SYT14: variants seen among roughly 807,000 people sequenced by gnomAD.
The protein encoded by SYT14 is synaptotagmin-14.
Under a neutral mutation model 74.2 loss-of-function variants are expected in SYT14, and 32 were observed. That is an observed-to-expected ratio of 0.43 (90% confidence interval 0.33 to 0.58). The LOEUF (loss-of-function observed/expected upper bound fraction) is 0.58. Ranked by LOEUF, SYT14 falls within the 20% of genes least tolerant of loss-of-function variation. The probability of loss-of-function intolerance (pLI) is 0.05; values close to 1 mark genes in which losing one functional copy is unlikely to be tolerated. For synonymous variants in SYT14, 298 were observed against 337.7 expected, an observed-to-expected ratio of 0.88 and a Z score of 1.29; for missense variants, 791 against 981.8, an observed-to-expected ratio of 0.81 and a Z score of 2.60.
chr1:210,064,088 A>G (rs1195645907), intron 5 of SYT14, among the ~76,000 whole-genome samples: 1 of 152,022 alleles, frequency 6.6e-6, no homozygotes, highest in Non-Finnish European at 1.5e-5. Flanking sequence ...TCACTGTGGT[A>G]AAATATATAC....
At chr1:210,015,089 A>C (rs550278456) in intron 3 of SYT14, among the ~76,000 whole-genome samples, 5 of 152,206 alleles carry the variant, frequency 3.3e-5, no homozygotes, top group African/African-American at 9.6e-5. Context: ...AAATTTTACA[A>C]AACTATTTTC....
At chr1:210,128,388 AAAGTAG>A (rs1040475915) in intron 7 of SYT14, among the ~76,000 whole-genome samples, 2 of 152,134 alleles carry the variant, frequency 1.3e-5, no homozygotes, top group African/African-American at 4.8e-5. Context: ...AAAAAAAAAA[AAAGTAG>A]ATGTATATAT....
At chr1:210,110,004 A>G (rs965098582) in intron 7 of SYT14, among the ~76,000 whole-genome samples, 1 of 152,170 alleles carries the variant, frequency 6.6e-6, no homozygotes, top group Non-Finnish European at 1.5e-5. Context: ...ATTCTCAGCA[A>G]ACTAACACAG....
intron 4 of SYT14, among the ~76,000 whole-genome samples, chr1:210,018,949 A>C (rs771571596): frequency 6.6e-6 from 1 of 152,020 alleles, no homozygotes; most frequent in Non-Finnish European, 1.5e-5. Context: ...CATCCTGGCC[A>C]ACATGGTGAA....
chr1:209,985,827 G>A (rs563507942), intron 2 of SYT14, among the ~76,000 whole-genome samples: 103 of 152,314 alleles, frequency 6.8e-4, no homozygotes, highest in Non-Finnish European at 6.3e-4. Flanking sequence ...AAGCCTCCAA[G>A]GCTTACAGCT....
At chr1:210,099,037 A>T (rs1325253513) in intron 6 of SYT14, among the ~76,000 whole-genome samples, 1 of 152,186 alleles carries the variant, frequency 6.6e-6, no homozygotes, top group Non-Finnish European at 1.5e-5. Flanking sequence ...AAAAGAGAAG[A>T]CTGAGATTCA....
chr1:210,095,738 T>A (rs2081957055), intron 6 of SYT14, among the ~76,000 whole-genome samples: 1 of 152,222 alleles, frequency 6.6e-6, no homozygotes, highest in African/African-American at 2.4e-5. Context: ...AATTTTAGGT[T>A]TTTCTTCTAT....
intron 1 of SYT14, among the ~76,000 whole-genome samples, chr1:209,944,637 A>G (rs752605191): frequency 8.5e-5 from 13 of 152,302 alleles, no homozygotes; most frequent in Non-Finnish European, 1.5e-4. Context: ...AAAGGACTTG[A>G]CTTTTTCAGA....
At chr1:210,167,573 C>G (rs1490638802) in exon 10 of SYT14, 1 of 152,024 alleles carries the variant, frequency 6.6e-6, no homozygotes, top group Non-Finnish European at 1.5e-5. Context: ...TTCTTTTCCC[C>G]CACAAAGATA....
intron 7 of SYT14, among the ~76,000 whole-genome samples, chr1:210,121,660 G>A (rs553178714): frequency 7.4e-4 from 112 of 152,088 alleles, no homozygotes; most frequent in African/African-American, 2.6e-3. Flanking sequence ...CAGGCGTGGT[G>A]GCGGGCGCCT....
intron 7 of SYT14, among the ~76,000 whole-genome samples, chr1:210,133,319 A>G (rs2082715197): frequency 6.6e-6 from 1 of 152,230 alleles, no homozygotes; most frequent in Non-Finnish European, 1.5e-5. Flanking sequence ...TTATTCCTAT[A>G]ATATAATGGA....
Position 210,021,211 on chromosome 1 carries a change from G to A in SYT14, c.1269G>A (p.Ser423=), listed in dbSNP as rs116593136. Reference sequence around the variant, plus strand: ...CAAGGCAGAAATACAGTCCTCTATCGGCAGAGTATGATGGATACAGTAGTG... The same window carrying A: ...CAAGGCAGAAATACAGTCCTCTATCAGCAGAGTATGATGGATACAGTAGTG... Residue 423 remains serine (S), a synonymous_variant, in exon 5 of 10, where the codon TCG becomes TCA. Transcript: ENST00000637265. The A allele has an allele frequency of 2.2e-4, 361 of 1,613,950 alleles. 1 individual carries two copies. The African/African-American group carries it at 4.2e-3, about 19-fold the overall frequency.
intron 2 of SYT14, among the ~76,000 whole-genome samples, chr1:209,984,300 T>G (rs2079536970): frequency 6.6e-6 from 1 of 152,212 alleles, no homozygotes; most frequent in South Asian, 2.1e-4. Flanking sequence ...TTGTGCATAC[T>G]GTTCTCTTAC....
intron 5 of SYT14, among the ~76,000 whole-genome samples, chr1:210,023,173 C>T (rs371101812): frequency 1.9e-4 from 29 of 152,126 alleles, no homozygotes; most frequent in East Asian, 5.8e-4. Flanking sequence ...CTTTCGTGAA[C>T]GCTTTTTAGC....
intron 7 of SYT14, among the ~76,000 whole-genome samples, chr1:210,135,599 TC>T (rs1180233937): frequency 6.6e-6 from 1 of 152,216 alleles, no homozygotes; most frequent in Non-Finnish European, 1.5e-5. Context: ...TGACTTTTTT[TC>T]CTTAATATGG....
intron 7 of SYT14, among the ~76,000 whole-genome samples, chr1:210,102,393 T>A (rs1015137206): frequency 3.3e-4 from 51 of 152,284 alleles, no homozygotes; most frequent in African/African-American, 1.2e-3. Flanking sequence ...ATTTAATTGT[T>A]CTTTTTTGTC....
chr1:210,098,282 C>T (rs545838797), intron 6 of SYT14, among the ~76,000 whole-genome samples: 9 of 152,182 alleles, frequency 5.9e-5, no homozygotes, highest in African/African-American at 1.4e-4. Flanking sequence ...ACAGTAGTTA[C>T]GGTACATGTT....
chr1:209,940,978 A>G (rs1382804407), intron 1 of SYT14, among the ~76,000 whole-genome samples: 3 of 152,210 alleles, frequency 2.0e-5, no homozygotes, highest in Non-Finnish European at 4.4e-5. Flanking sequence ...GCGAGGCTGT[A>G]ATCAACTAAA....
chr1:210,063,125 G>A (rs6540578), intron 5 of SYT14, among the ~76,000 whole-genome samples: 28,824 of 149,668 alleles, frequency 0.19, 3,560 homozygotes, highest in Middle Eastern at 0.28. Flanking sequence ...TATATGTCAC[G>A]TTCAGAAAGA....
Sources: allele counts gnomAD v4.1 joint callset (sites outside exome capture counted in the v4.1 genomes callset), GRCh38; gene constraint gnomAD v4.1.1; transcripts MANE v1.5; gene names NCBI Gene and HGNC (gene_info 2026-07-23, HGNC 2026-07-21).